Variants in KANSL1 observed in about 807,000 individuals in gnomAD.
The protein encoded by KANSL1 is KAT8 regulatory NSL complex subunit 1.
Under a neutral mutation model 103.6 loss-of-function variants are expected in KANSL1, and 22 were observed. The observed-to-expected ratio is 0.21, with a 90% CI of 0.15 to 0.30. The LOEUF (loss-of-function observed/expected upper bound fraction) is 0.30. Ranked by LOEUF, KANSL1 falls within the 10% of genes least tolerant of loss-of-function variation. The pLI is 1.00. For missense variants in KANSL1, 1,337 were observed against 1,399.8 expected (o/e 0.96, Z 0.72); for synonymous variants, 600 against 527.6 (o/e 1.14, Z -1.88).
intron 2 of KANSL1, among the ~76,000 whole-genome samples, chr17:46,116,110 AAAACTAGACCCAACTTC>A (rs1333638105): frequency 1.3e-5 from 2 of 152,274 alleles, no homozygotes; most frequent in Non-Finnish European, 2.9e-5. Context: ...CGACAGAGTG[AAAACTAGACCCAACTTC>A]AAACTGAGAT....
chr17:46,187,811 C>T (rs1225416859), intron 1 of KANSL1, among the ~76,000 whole-genome samples: 3 of 152,034 alleles, frequency 2.0e-5, no homozygotes, highest in East Asian at 3.8e-4. Context: ...TTAAAATCTT[C>T]ATATAAAATG....
intron 6 of KANSL1, among the ~76,000 whole-genome samples, chr17:46,065,004 A>G (rs373872853): frequency 6.6e-6 from 1 of 151,956 alleles, no homozygotes; most frequent in Non-Finnish European, 1.5e-5. Flanking sequence ...CAGAGTCTCA[A>G]TCACTCTGTC....
Position 46,038,702 on chromosome 17 carries a change from G to A in KANSL1, c.2393-16C>T, listed in dbSNP as rs759562366. The A allele has an allele frequency of 1.4e-5, 22 of 1,613,746 alleles. No homozygotes were observed. Among genetic ancestry groups the A allele is most frequent in the East Asian group, 2.2e-5 (1 of 44,884 alleles). ...TGCTTCAACACTGCAGAAGTCAACA[G>A]AAAAGAGAGAAATACATGGCTATCT... On this transcript the variant is annotated splice_polypyrimidine_tract_variant and intron_variant, in intron 9 of 14. Transcript: ENST00000432791.
chr17:46,192,166 A>T (rs568452586), intron 1 of KANSL1, among the ~76,000 whole-genome samples: 1 of 152,232 alleles, frequency 6.6e-6, no homozygotes, highest in Non-Finnish European at 1.5e-5. Context: ...TTTAAGTAAG[A>T]CACGGGAGTA....
Position 46,171,298 on chromosome 17 carries a change from T to C in KANSL1, c.846A>G (p.Thr282=), listed in dbSNP as rs2046273372. The change falls in exon 2 of 15, where the codon ACA becomes ACG. Residue 282 remains threonine, a synonymous_variant. Coordinates refer to ENST00000432791, the MANE Select transcript of KANSL1 (RefSeq NM_015443.4). The part of the protein sequence containing the change: ...SILFSALDSD[T]RITALLRRQA... Reference sequence around the variant, plus strand: ...GTCGCCGCAGTAAAGCTGTTATCCTTGTGTCAGAATCTAAAGCACTGAAAA... The same window carrying C: ...GTCGCCGCAGTAAAGCTGTTATCCTCGTGTCAGAATCTAAAGCACTGAAAA... 2.5e-6 allele frequency: 4 copies of C among 1,614,146 alleles called. No individual in the cohort carries two copies. The highest frequency in any genetic ancestry group is 3.4e-6 in the Non-Finnish European group (4 of 1,180,050).
chr17:46,151,821 A>C (rs1268134218), intron 2 of KANSL1, among the ~76,000 whole-genome samples: 1 of 152,224 alleles, frequency 6.6e-6, no homozygotes, highest in African/African-American at 2.4e-5. Flanking sequence ...GCTTTAGGGA[A>C]TCATTAATAC....
chr17:46,122,514 G>A (rs570700675), intron 2 of KANSL1, among the ~76,000 whole-genome samples: 32 of 152,104 alleles, frequency 2.1e-4, no homozygotes, highest in Non-Finnish European at 3.7e-4. Context: ...AAATAATGGG[G>A]GTGATCTCCT....
intron 2 of KANSL1, among the ~76,000 whole-genome samples, chr17:46,103,449 A>T (rs2042403076): frequency 6.6e-6 from 1 of 152,232 alleles, no homozygotes; most frequent in African/African-American, 2.4e-5. Flanking sequence ...AAGAATATAT[A>T]CCAGTATATT....
intron 7 of KANSL1, chr17:46,045,440 A>AAAAAAAAAAAAAAAAT (rs950085495): frequency 1.2e-4 from 17 of 144,858 alleles, no homozygotes; most frequent in African/African-American, 4.2e-4. Flanking sequence ...TACATGTAAA[A>AAAAAAAAAAAAAAAAT]ATATATATAT....
At chr17:46,065,727 A>AG (rs2078354167) in intron 6 of KANSL1, among the ~76,000 whole-genome samples, 1 of 152,218 alleles carries the variant, frequency 6.6e-6, no homozygotes, top group Non-Finnish European at 1.5e-5. Flanking sequence ...GAATATTATT[A>AG]TCTCATTAGT....
intron 4 of KANSL1, among the ~76,000 whole-genome samples, chr17:46,075,036 T>C (rs115296494): frequency 0.01 from 1,575 of 152,134 alleles, 25 homozygotes; most frequent in African/African-American, 0.034. Context: ...CTATACAAAA[T>C]AACTGACCAG....
chr17:46,040,769 A>T (rs1259986761), intron 7 of KANSL1: 1 of 152,236 alleles, frequency 6.6e-6, no homozygotes, highest in Non-Finnish European at 1.5e-5. Context: ...ACCAATACTG[A>T]ATCTTTCAAT....
chr17:46,039,433 C>T (rs1397959482), intron 8 of KANSL1: 8 of 603,670 alleles, frequency 1.3e-5, no homozygotes, highest in Non-Finnish European at 2.3e-5. Flanking sequence ...CAGAAGACAC[C>T]TGCCCGTAGA....
chr17:46,165,868 T>C (rs2045969840), intron 2 of KANSL1, among the ~76,000 whole-genome samples: 1 of 152,044 alleles, frequency 6.6e-6, no homozygotes, highest in African/African-American at 2.4e-5. Flanking sequence ...ATAAACACAC[T>C]AGTAATTCAT....
At chr17:46,104,690 TAATGGAGGAAAA>T (rs2042457588) in intron 2 of KANSL1, among the ~76,000 whole-genome samples, 1 of 152,222 alleles carries the variant, frequency 6.6e-6, no homozygotes. Context: ...TGAAGTATTC[TAATGGAGGAAAA>T]AATGGCATGA....
intron 1 of KANSL1, among the ~76,000 whole-genome samples, chr17:46,210,490 A>T (rs796899689): frequency 1.5e-5 from 1 of 65,354 alleles, no homozygotes; most frequent in South Asian, 4.2e-4. Context: ...AAAAAAAAAA[A>T]AAAAAAAAAA....
upstream of KANSL1, chr17:46,193,558 C>CGCCGCCAGGGGGCGCCCGCCGCGT (rs2047476210): frequency 1.3e-5 from 2 of 149,798 alleles, no homozygotes; most frequent in Admixed American, 6.7e-5. Flanking sequence ...GCCCGCCGCG[C>CGCCGCCAGGGGGCGCCCGCCGCGT]CGCCCCCGCG....
intron 2 of KANSL1, among the ~76,000 whole-genome samples, chr17:46,135,296 T>C (rs956349100): frequency 9.9e-5 from 15 of 150,814 alleles, no homozygotes; most frequent in African/African-American, 3.7e-4. Context: ...TCTGAGTAGA[T>C]GCCTGTTACA....
intron 2 of KANSL1, among the ~76,000 whole-genome samples, chr17:46,129,171 C>T (rs1298028576): frequency 5.9e-5 from 9 of 152,136 alleles, no homozygotes; most frequent in Non-Finnish European, 1.3e-4. Flanking sequence ...TTGTCCTATT[C>T]AGGTCCTTGA....
Sources: gnomAD v4.1 joint callset for allele counts (sites outside exome capture counted in the v4.1 genomes callset) on GRCh38, gnomAD v4.1.1 for gene constraint, MANE v1.5 for transcripts, NCBI Gene and HGNC (gene_info 2026-07-23, HGNC 2026-07-21) for gene names.